CEP89: variants seen among roughly 807,000 people sequenced by gnomAD.
The protein encoded by CEP89 is centrosomal protein 89.
Under a neutral mutation model 97.6 loss-of-function variants are expected in CEP89, and 95 were observed. The ratio of observed to expected loss-of-function variants is 0.97; its 90% CI spans 0.82 to 1.15. The LOEUF is 1.15. Among genes scored for constraint, CEP89 ranks in the 50% most tolerant of loss-of-function variants. The pLI, the probability that CEP89 is intolerant of heterozygous loss-of-function variation, is 0.00. For missense variants in CEP89, 869 were observed against 947.7 expected (o/e 0.92, Z 1.09); for synonymous variants, 354 against 349.1 (o/e 1.01, Z -0.16).
At chr19:32,941,799 T>C (rs1386769663) in intron 5 of CEP89, among the ~76,000 whole-genome samples, 1 of 152,154 alleles carries the variant, frequency 6.6e-6, no homozygotes. Context: ...GTTTGCAATC[T>C]GCATCTCCTC....
At chr19:32,911,524 G>A (rs566432564) in intron 14 of CEP89, among the ~76,000 whole-genome samples, 85 of 152,268 alleles carry the variant, frequency 5.6e-4, no homozygotes, top group Middle Eastern at 3.4e-3. Flanking sequence ...GCTATGGCAC[G>A]TGCCTGTGGT....
At chr19:32,931,956 T>C (rs558565207) in intron 8 of CEP89, among the ~76,000 whole-genome samples, 1 of 151,648 alleles carries the variant, frequency 6.6e-6, no homozygotes, top group Middle Eastern at 3.4e-3. Context: ...CCGAGGCGGG[T>C]GGATCACGAG....
chr19:32,893,943 T>A (rs551422077), intron 16 of CEP89, among the ~76,000 whole-genome samples: 1 of 151,972 alleles, frequency 6.6e-6, no homozygotes, highest in African/African-American at 2.4e-5. Flanking sequence ...AGTGGAAAGA[T>A]TTCAAATAAA....
At chr19:32,961,336 TGAG>T (rs925366272) in intron 2 of CEP89, among the ~76,000 whole-genome samples, 1 of 150,398 alleles carries the variant, frequency 6.6e-6, no homozygotes, top group African/African-American at 2.4e-5. Flanking sequence ...TTTGGGAGGC[TGAG>T]GAGGGCGGAT....
chr19:32,961,683 G>A (rs547793525), intron 2 of CEP89, among the ~76,000 whole-genome samples: 1 of 150,354 alleles, frequency 6.7e-6, no homozygotes, highest in Admixed American at 6.7e-5. Flanking sequence ...TCACTCTGTT[G>A]CCCAGGCTGG....
intron 16 of CEP89, among the ~76,000 whole-genome samples, chr19:32,890,216 G>A (rs1241417673): frequency 1.3e-5 from 2 of 152,132 alleles, no homozygotes; most frequent in East Asian, 1.9e-4. Flanking sequence ...TGGCTAACAT[G>A]GTGAAATCCC....
chr19:32,900,045 A>C, intron 15 of CEP89, 47 bp from the exon 16 acceptor site: 1 of 1,572,550 alleles, frequency 6.4e-7, no homozygotes, highest in Non-Finnish European at 8.7e-7. Flanking sequence ...ATTAGTTTAC[A>C]TGGCTAGGGC....
chr19:32,918,884 CTTTTTTT>C lies in CEP89; in HGVS notation c.1269-552_1269-546del, dbSNP rs11339528. The stretch of plus-strand genomic sequence containing the variant: ...TTTTTTCTTTTTTCTTTTTCTTTTT[CTTTTTTT>C]TTTTTTTTTTTGAGACAGAGACTTG... On this transcript the variant is annotated intron_variant, in intron 12 of 18. Coordinates refer to ENST00000305768, the MANE Select transcript of CEP89 (RefSeq NM_032816.5). Among the ~76,000 whole-genome samples the C allele has an allele frequency of 5.1e-5, 6 of 117,650 alleles. 1 individual carries two copies. The highest frequency in any genetic ancestry group is 3.7e-4 in the Admixed American group (4 of 10,838). 77.2% of individuals were successfully genotyped at this position (117,650 alleles called of 152,430 possible).
chr19:32,913,481 T>C (rs948370706), intron 14 of CEP89, among the ~76,000 whole-genome samples: 1 of 151,928 alleles, frequency 6.6e-6, no homozygotes, highest in African/African-American at 2.4e-5. Context: ...CATGTAATTA[T>C]ACAAACACAT....
At chr19:32,933,877 A>G (rs1057291270) in intron 7 of CEP89, among the ~76,000 whole-genome samples, 3 of 152,086 alleles carry the variant, frequency 2.0e-5, no homozygotes, top group Admixed American at 2.0e-4. Flanking sequence ...GGAGGCCAGA[A>G]AGGGAGGCCA....
Position 32,879,249 on chromosome 19 carries a change from G to T in CEP89, c.2265C>A (p.Pro755=). 6.2e-7 allele frequency: 1 copy of T among 1,613,948 alleles called. No individual in the cohort carries two copies. ...VQDNPRALVA[P]SLNGVSQADL... is the part of the protein sequence containing the mutation. The stretch of plus-strand genomic sequence containing the variant: ...CTGCCTGAGAGACGCCATTGAGGCT[G>T]GGGGCAACCAGAGCTCTGGGGTTGT... Residue 755 remains proline, a synonymous_variant, in exon 19 of 19, where the codon CCC becomes CCA. Coordinates refer to ENST00000305768, the MANE Select transcript of CEP89 (RefSeq NM_032816.5).
chr19:32,954,974 T>C (rs1370795764), intron 3 of CEP89, among the ~76,000 whole-genome samples: 1 of 151,234 alleles, frequency 6.6e-6, no homozygotes. Context: ...CCCAGCCTGC[T>C]ATTAATAAGT....
chr19:32,952,248 A>T (rs1216729052), intron 4 of CEP89, among the ~76,000 whole-genome samples: 1 of 151,944 alleles, frequency 6.6e-6, no homozygotes, highest in African/African-American at 2.4e-5. Flanking sequence ...TGGGAGCCCG[A>T]AGCAAGAGGA....
At chr19:32,949,323 AG>A (rs1171774597) in intron 4 of CEP89, among the ~76,000 whole-genome samples, 1 of 152,172 alleles carries the variant, frequency 6.6e-6, no homozygotes, top group East Asian at 1.9e-4. Flanking sequence ...TTCCATTGGC[AG>A]GAGCCTGGGG....
chr19:32,913,874 G>C (rs1970065665), intron 14 of CEP89, among the ~76,000 whole-genome samples: 1 of 151,908 alleles, frequency 6.6e-6, no homozygotes, highest in African/African-American at 2.4e-5. Flanking sequence ...CCCCTCCTCA[G>C]CTGAACCACC....
Position 32,953,793 on chromosome 19 carries a change from C to T in CEP89, c.314G>A (p.Trp105Ter). ...AGATCTTCTTCCCATCTCACTCTGC[C>T]AATTTGGCCTGTATTAGAATATTCA... ...TTSQLRPRPN[W>*]QSEMGRRSSL... The change falls in exon 4 of 19, where the codon TGG becomes TAG. Residue 105 changes from tryptophan to a stop codon, truncating the protein, a stop_gained. Coordinates refer to ENST00000305768, the MANE Select transcript of CEP89 (RefSeq NM_032816.5). LOFTEE classifies it high-confidence loss of function. 6.2e-7 allele frequency: 1 copy of T among 1,612,638 alleles called. No homozygotes were observed. Among genetic ancestry groups the T allele is most frequent in the Non-Finnish European group, 8.5e-7 (1 of 1,178,980 alleles).
At chr19:32,960,417 G>C (rs574092404) in intron 2 of CEP89, among the ~76,000 whole-genome samples, 155 of 152,178 alleles carry the variant, frequency 1.0e-3, no homozygotes, top group Non-Finnish European at 1.8e-3. Flanking sequence ...GATATAGAAA[G>C]ACTAAAAGAT....
intron 5 of CEP89, among the ~76,000 whole-genome samples, chr19:32,942,908 G>C (rs1359685513): frequency 1.3e-5 from 2 of 150,254 alleles, no homozygotes; most frequent in African/African-American, 4.9e-5. Context: ...GAAGTGCAGT[G>C]GTGGAAACTG....
At chr19:32,925,911 T>A (rs1469669836) in intron 11 of CEP89, among the ~76,000 whole-genome samples, 3 of 152,050 alleles carry the variant, frequency 2.0e-5, no homozygotes, top group Non-Finnish European at 4.4e-5. Context: ...CAGAAAGCCA[T>A]GGCTTCTCAT....
Sources: gnomAD v4.1 joint callset for allele counts (sites outside exome capture counted in the v4.1 genomes callset) on GRCh38, gnomAD v4.1.1 for gene constraint, MANE v1.5 for transcripts, NCBI Gene and HGNC (gene_info 2026-07-23, HGNC 2026-07-21) for gene names.